LIMS1: variants seen among roughly 807,000 people sequenced by gnomAD.
LIMS1 encodes the protein LIM and senescent cell antigen-like-containing domain protein 1.
A neutral mutation model predicts 44.1 loss-of-function variants in LIMS1; 18 were observed. The observed-to-expected ratio is 0.41, with a 90% CI of 0.28 to 0.61. The LOEUF (loss-of-function observed/expected upper bound fraction) is 0.61, where lower values mean the gene tolerates loss of function less well. Among genes scored for constraint, LIMS1 ranks in the 20% least tolerant of loss-of-function variants. The pLI, the probability that LIMS1 is intolerant of heterozygous loss-of-function variation, is 0.32. For missense variants in LIMS1, 201 were observed against 422.0 expected (o/e 0.48, Z 4.59); for synonymous variants, 93 against 149.1 (o/e 0.62, Z 2.74).
intron 2 of LIMS1, chr2:108,662,190 C>T (rs1224139800): frequency 1.9e-6 from 3 of 1,611,922 alleles, no homozygotes; most frequent in Non-Finnish European, 2.5e-6. Context: ...AGCTCCAGCC[C>T]TCCGTCACCT....
intron 1 of LIMS1, among the ~76,000 whole-genome samples, chr2:108,646,867 G>A (rs1558826592): frequency 2.6e-5 from 4 of 152,022 alleles, no homozygotes; most frequent in African/African-American, 7.3e-5. Flanking sequence ...GACTACAGGC[G>A]CCTGCCAACA....
At chr2:108,599,368 A>C (rs1464597765) in intron 1 of LIMS1, among the ~76,000 whole-genome samples, 4 of 152,132 alleles carry the variant, frequency 2.6e-5, no homozygotes. Flanking sequence ...AAATGGCTGG[A>C]TCTCATTCTT....
At chr2:108,535,194 A>G (rs530780364) in intron 1 of LIMS1, among the ~76,000 whole-genome samples, 52 of 152,312 alleles carry the variant, frequency 3.4e-4, no homozygotes, top group African/African-American at 1.2e-3. Flanking sequence ...TCTCCTTTGC[A>G]GTTCAGTCTG....
At chr2:108,588,624 A>G in intron 1 of LIMS1, 1 of 984,536 alleles carries the variant, frequency 1.0e-6, no homozygotes, top group Non-Finnish European at 1.2e-6. Flanking sequence ...TCAGCCAAAC[A>G]CAGGGTATTG....
intron 5 of LIMS1, among the ~76,000 whole-genome samples, chr2:108,674,299 G>A (rs2149002250): frequency 6.6e-6 from 1 of 151,728 alleles, no homozygotes; most frequent in South Asian, 2.1e-4. Context: ...CACTGCACTC[G>A]AACCTGGGAG....
At chr2:108,588,416 G>T (rs1408048116) in intron 1 of LIMS1, 4 of 985,440 alleles carry the variant, frequency 4.1e-6, no homozygotes, top group Non-Finnish European at 4.8e-6. Flanking sequence ...GGCCTCCCAA[G>T]CCCTGATAAG....
chr2:108,596,363 G>A (rs1226381294), intron 1 of LIMS1, among the ~76,000 whole-genome samples: 1 of 152,194 alleles, frequency 6.6e-6, no homozygotes, highest in African/African-American at 2.4e-5. Context: ...GCCAGAGGGT[G>A]GCTCAGGAGT....
At position 108,673,086 on chromosome 2, in the gene LIMS1, ATC is replaced by A. The variant is rs1176837283; in HGVS notation, c.530+59_530+60del. The A allele has an allele frequency of 1.0e-5, 13 of 1,252,722 alleles. No individual in the cohort carries two copies. The Admixed American group carries it at 1.3e-4, about 12-fold the overall frequency. The allele number at this position is 1,252,722 out of a possible 1,614,324, so 77.6% of individuals were successfully genotyped here. A position where few individuals can be genotyped will look rare whatever the true frequency, so the allele number is the denominator to read the frequency against. On this transcript the variant is annotated intron_variant, in intron 5 of 9. Transcript: ENST00000544547. ...GCAGTGGGAATGAAAGATTACATTT[ATC>A]TATATTTCTGTTACTCTAGCAAACC...
At chr2:108,605,800 G>C (rs1175167327) in intron 1 of LIMS1, among the ~76,000 whole-genome samples, 1 of 152,256 alleles carries the variant, frequency 6.6e-6, no homozygotes, top group Non-Finnish European at 1.5e-5. Context: ...AAAGAAGTCA[G>C]ATTATCCTCT....
intron 1 of LIMS1, among the ~76,000 whole-genome samples, chr2:108,563,683 A>G (rs1008845038): frequency 6.6e-6 from 1 of 152,216 alleles, no homozygotes; most frequent in African/African-American, 2.4e-5. Context: ...TGTGAACATT[A>G]TTGAAATGAT....
intron 1 of LIMS1, among the ~76,000 whole-genome samples, chr2:108,569,783 T>TTTTTTTTTTTTG (rs1685424730): frequency 6.8e-6 from 1 of 147,446 alleles, no homozygotes; most frequent in Non-Finnish European, 1.5e-5. Context: ...TTTTTTTTTT[T>TTTTTTTTTTTTG]AGTGATGAGG....
At chr2:108,534,814 G>A (rs1272037821) in intron 1 of LIMS1, among the ~76,000 whole-genome samples, 1 of 151,970 alleles carries the variant, frequency 6.6e-6, no homozygotes, top group Non-Finnish European at 1.5e-5. Flanking sequence ...TGTCCGCGGT[G>A]GCACAGGCGC....
At chr2:108,625,377 A>G (rs940739888) in intron 1 of LIMS1, among the ~76,000 whole-genome samples, 1 of 152,164 alleles carries the variant, frequency 6.6e-6, no homozygotes, top group African/African-American at 2.4e-5. Flanking sequence ...CCACAAAGAC[A>G]AAAATTATTT....
intron 1 of LIMS1, among the ~76,000 whole-genome samples, chr2:108,642,655 G>A (rs187498132): frequency 5.9e-5 from 9 of 152,172 alleles, no homozygotes; most frequent in Admixed American, 3.9e-4. Flanking sequence ...CACCGCGCCC[G>A]GCCGCTACTA....
rs1276665740 is a variant in LIMS1 at position 108,659,152 on chromosome 2, A to C, written c.33-453A>C. ...CAAAGGGATAACCCGTGTCTAGGTT[A>C]TATGACATGGCATTTAGTTGACATG... On this transcript the variant is annotated intron_variant, in intron 1 of 9. Transcript: ENST00000544547. The C allele has an allele frequency of 9.2e-6, 9 of 979,714 alleles. 1 individual carries two copies. In the South Asian group the frequency reaches 3.9e-4, roughly 42 times the overall value. 60.7% of individuals were successfully genotyped at this position (979,714 alleles called of 1,614,324 possible). A position where few individuals can be genotyped will look rare whatever the true frequency, so the allele number is the denominator to read the frequency against.
intron 1 of LIMS1, among the ~76,000 whole-genome samples, chr2:108,536,246 C>T (rs1442738004): frequency 6.6e-6 from 1 of 152,110 alleles, no homozygotes; most frequent in African/African-American, 2.4e-5. Context: ...ATTGTGCATC[C>T]GTAACCATCA....
chr2:108,571,755 T>C (rs936395170), intron 1 of LIMS1, among the ~76,000 whole-genome samples: 1 of 152,220 alleles, frequency 6.6e-6, no homozygotes, highest in Non-Finnish European at 1.5e-5. Flanking sequence ...CTTTTCAGTT[T>C]CTGACAATTT....
At chr2:108,645,528 A>T (rs62149924) in intron 1 of LIMS1, among the ~76,000 whole-genome samples, 1 of 151,964 alleles carries the variant, frequency 6.6e-6, no homozygotes, top group Non-Finnish European at 1.5e-5. Flanking sequence ...GGTACGAGCC[A>T]CTGCAAAAAC....
intron 2 of LIMS1, among the ~76,000 whole-genome samples, chr2:108,667,549 AAAAT>A (rs1282538341): frequency 9.5e-5 from 7 of 73,430 alleles, no homozygotes; most frequent in Non-Finnish European, 2.1e-4. Flanking sequence ...AAAAAAAAAA[AAAAT>A]ATATATATAT....
Sources: allele counts gnomAD v4.1 joint callset (sites outside exome capture counted in the v4.1 genomes callset), GRCh38; gene constraint gnomAD v4.1.1; transcripts MANE v1.5; gene names NCBI Gene and HGNC (gene_info 2026-07-23, HGNC 2026-07-21).